TNFAIP8: variants seen among roughly 807,000 people sequenced by gnomAD.
TNFAIP8 encodes the protein TNF alpha induced protein 8, also known as tumor necrosis factor alpha-induced protein 8.
A neutral mutation model predicts 13.3 loss-of-function variants in TNFAIP8; 7 were observed. The observed-to-expected ratio is 0.52, with a 90% CI of 0.30 to 0.99. The LOEUF is 0.99. TNFAIP8 is among the 50% of genes least tolerant of loss of function. The pLI, the probability that TNFAIP8 is intolerant of heterozygous loss-of-function variation, is 0.07. For missense variants in TNFAIP8, 258 were observed against 236.9 expected, an observed-to-expected ratio of 1.09 and a Z score of -0.58; for synonymous variants, 94 against 87.6, an observed-to-expected ratio of 1.07 and a Z score of -0.41.
At chr5:119,388,631 T>C in intron 1 of TNFAIP8, among the ~76,000 whole-genome samples, 1 of 95,910 alleles carries the variant, frequency 1.0e-5, no homozygotes, top group South Asian at 3.1e-4. Flanking sequence ...GCATCTTTTT[T>C]TTTCTTTTCT....
chr5:119,320,426 A>G (rs576376528), intron 1 of TNFAIP8, among the ~76,000 whole-genome samples: 6 of 152,248 alleles, frequency 3.9e-5, no homozygotes, highest in Admixed American at 2.0e-4. Flanking sequence ...TCTCTATTCA[A>G]TGTAGCCTTC....
chr5:119,309,206 C>A (rs954862800), intron 1 of TNFAIP8, among the ~76,000 whole-genome samples: 1 of 152,174 alleles, frequency 6.6e-6, no homozygotes, highest in African/African-American at 2.4e-5. Context: ...CCTTCAGTGA[C>A]AAATAATAAT....
chr5:119,310,451 G>A (rs1242537194), intron 1 of TNFAIP8, among the ~76,000 whole-genome samples: 2 of 152,202 alleles, frequency 1.3e-5, no homozygotes, highest in Non-Finnish European at 2.9e-5. Context: ...CACCTCTCAC[G>A]GTAGGGACAA....
intron 1 of TNFAIP8, among the ~76,000 whole-genome samples, chr5:119,366,974 C>T (rs1751881750): frequency 6.6e-6 from 1 of 152,158 alleles, no homozygotes; most frequent in Admixed American, 6.5e-5. Flanking sequence ...TTGTAGGTCT[C>T]AGCAGTGAAA....
At chr5:119,361,548 G>A (rs1398795030) in intron 1 of TNFAIP8, among the ~76,000 whole-genome samples, 1 of 152,206 alleles carries the variant, frequency 6.6e-6, no homozygotes, top group African/African-American at 2.4e-5. Flanking sequence ...TAGGAACAGA[G>A]TTTCTTCTAA....
In TNFAIP8 at chr5:119,342,543, G is replaced by A. The variant is rs1581621707; in HGVS notation, c.2-50273G>A. Among the ~76,000 whole-genome samples, 4 of 152,110 alleles carry A rather than the reference G, an allele frequency of 2.6e-5. No homozygotes were observed. The South Asian group carries it at 8.3e-4, about 32-fold the overall frequency. On this transcript the variant is annotated intron_variant, in intron 1 of 1. Transcript: ENST00000274456. ...TTTTTTGATAATGCTTTCTCCTCAG[G>A]GTACTCTCTCAACTTACTCCCTTCA...
intron 1 of TNFAIP8, among the ~76,000 whole-genome samples, chr5:119,271,949 A>G (rs78338593): frequency 0.014 from 2,188 of 152,230 alleles, 48 homozygotes; most frequent in African/African-American, 0.05. Flanking sequence ...GGTTTTGATG[A>G]CTGTGGCCCT....
At chr5:119,293,827 C>T (rs1407269194) in intron 1 of TNFAIP8, among the ~76,000 whole-genome samples, 2 of 152,106 alleles carry the variant, frequency 1.3e-5, no homozygotes, top group Non-Finnish European at 2.9e-5. Flanking sequence ...ACTCTTTCTA[C>T]TTTCATGAAT....
rs941859080 is a variant in TNFAIP8 at position 119,368,738 on chromosome 5, G to A, written c.31+12617G>A. Among the ~76,000 whole-genome samples the A allele has an allele frequency of 4.6e-5, 7 of 152,042 alleles. No individual in the cohort carries two copies. In the South Asian group the frequency reaches 1.0e-3, roughly 23 times the overall value. On this transcript the variant is annotated intron_variant, in intron 1 of 1. Coordinates refer to ENST00000504771, the MANE Select transcript of TNFAIP8 (RefSeq NM_014350.4). ...ATAATGATTCTTTGGGACATTTTTC[G>A]GGACCCAACTAAATTTCATTTGCCA... is the stretch of plus-strand genomic sequence containing the variant.
chr5:119,272,922 G>A (rs1271436983), intron 1 of TNFAIP8, among the ~76,000 whole-genome samples: 6 of 152,314 alleles, frequency 3.9e-5, no homozygotes, highest in Non-Finnish European at 7.4e-5. Flanking sequence ...CAAGGGTTGC[G>A]GGCAGGTGGT....
At chr5:119,308,854 C>CAAAAAAAA (rs61628819) in intron 1 of TNFAIP8, among the ~76,000 whole-genome samples, 1 of 58,122 alleles carries the variant, frequency 1.7e-5, no homozygotes, top group Non-Finnish European at 4.8e-5. Flanking sequence ...GACTCCATCT[C>CAAAAAAAA]AAAAAAAAAA....
At position 119,366,214 on chromosome 5, in the gene TNFAIP8, A is replaced by G. The variant is rs557779556; in HGVS notation, c.31+10093A>G. Reference sequence around the variant, plus strand: ...CCAGCAGTATAATAGGCAAGAGACCATTGTAACTGGGTTAAGAAGTTTTGG... The same window carrying G: ...CCAGCAGTATAATAGGCAAGAGACCGTTGTAACTGGGTTAAGAAGTTTTGG... On this transcript the variant is annotated intron_variant, in intron 1 of 1. Transcript: ENST00000504771. Among the ~76,000 whole-genome samples, 7 of 152,192 alleles carry G rather than the reference A, an allele frequency of 4.6e-5. 1 individual carries two copies. In the South Asian group the frequency reaches 6.2e-4, roughly 14 times the overall value.
At chr5:119,305,213 T>C (rs1404994913) in intron 1 of TNFAIP8, among the ~76,000 whole-genome samples, 1 of 152,244 alleles carries the variant, frequency 6.6e-6, no homozygotes, top group Non-Finnish European at 1.5e-5. Context: ...ACCTCTTTGA[T>C]AGTCATTTTC....
chr5:119,330,010 C>T (rs1750324885), intron 1 of TNFAIP8, among the ~76,000 whole-genome samples: 1 of 152,022 alleles, frequency 6.6e-6, no homozygotes, highest in South Asian at 2.1e-4. Flanking sequence ...CCTGCTTCAC[C>T]AATGACTCTT....
chr5:119,288,275 C>T (rs1288388352), intron 1 of TNFAIP8, among the ~76,000 whole-genome samples: 1 of 151,996 alleles, frequency 6.6e-6, no homozygotes, highest in Non-Finnish European at 1.5e-5. Flanking sequence ...TGATATGTTT[C>T]TAAATGAAAC....
chr5:119,314,259 C>T (rs977258059), intron 1 of TNFAIP8, among the ~76,000 whole-genome samples: 1 of 152,212 alleles, frequency 6.6e-6, no homozygotes, highest in Non-Finnish European at 1.5e-5. Flanking sequence ...GCACATGGGA[C>T]AGGGTCTGGC....
chr5:119,383,531 G>A (rs950175246), intron 1 of TNFAIP8, among the ~76,000 whole-genome samples: 2 of 152,146 alleles, frequency 1.3e-5, no homozygotes, highest in Non-Finnish European at 2.9e-5. Flanking sequence ...ACCATTTTAT[G>A]TCCTAGTTTT....
chr5:119,305,012 C>T (rs1581588919), intron 1 of TNFAIP8, among the ~76,000 whole-genome samples: 1 of 152,166 alleles, frequency 6.6e-6, no homozygotes, highest in Admixed American at 6.5e-5. Flanking sequence ...ATACCACATT[C>T]CTGGGAGGGA....
chr5:119,286,679 C>A (rs925468250), intron 1 of TNFAIP8, among the ~76,000 whole-genome samples: 5 of 151,578 alleles, frequency 3.3e-5, no homozygotes, highest in African/African-American at 9.7e-5. Context: ...GGGTATGGGC[C>A]TGCCCTGTGA....
Sources: gnomAD v4.1 joint callset for allele counts (sites outside exome capture counted in the v4.1 genomes callset) on GRCh38, gnomAD v4.1.1 for gene constraint, MANE v1.5 for transcripts, NCBI Gene and HGNC (gene_info 2026-07-23, HGNC 2026-07-21) for gene names.